The following NCOA2 variants were observed in gnomAD, a reference collection of about 807,000 sequenced individuals.
NCOA2 encodes the protein class E basic helix-loop-helix protein 75.
Under a neutral mutation model 145.1 loss-of-function variants are expected in NCOA2, and 21 were observed. The ratio of observed to expected loss-of-function variants is 0.14; its 90% CI spans 0.10 to 0.21. The LOEUF (loss-of-function observed/expected upper bound fraction) is 0.21. Among genes scored for constraint, NCOA2 ranks in the 10% least tolerant of loss-of-function variants. The probability of loss-of-function intolerance (pLI) is 1.00; values close to 1 mark genes in which losing one functional copy is unlikely to be tolerated. For synonymous variants in NCOA2, 619 were observed against 637.5 expected (o/e 0.97, Z 0.44); for missense variants, 1,472 against 1,837.6 (o/e 0.80, Z 3.64).
At chr8:70,138,769 T>C (rs927052267) in intron 14 of NCOA2, among the ~76,000 whole-genome samples, 1 of 152,276 alleles carries the variant, frequency 6.6e-6, no homozygotes, top group Non-Finnish European at 1.5e-5. Context: ...AAAAATTCTT[T>C]TATTGGCATC....
intron 4 of NCOA2, among the ~76,000 whole-genome samples, chr8:70,204,880 C>T (rs1419025868): frequency 1.3e-5 from 2 of 152,066 alleles, no homozygotes; most frequent in Non-Finnish European, 2.9e-5. Context: ...TAGTGGTGCA[C>T]ACCTATAATC....
In NCOA2 at chr8:70,205,206, G is replaced by GA. The variant is rs1014678864; in HGVS notation, c.259+8696dup. On this transcript the variant is annotated intron_variant, in intron 4 of 22. Transcript: ENST00000452400. ...GTTTGGAGATTAGAAAGTGTTTTGT[G>GA]AAAAAAAAAGCAGTGTTTGAGATAG... Among the ~76,000 whole-genome samples, 638 of 150,648 alleles carry GA rather than the reference G, an allele frequency of 4.2e-3. 4 individuals are homozygous for GA. Among genetic ancestry groups the GA allele is most frequent in the African/African-American group, 0.014 (592 of 41,120 alleles).
At chr8:70,412,214 C>G in the NCOA2 span, among the ~76,000 whole-genome samples, 1 of 151,946 alleles carries the variant, frequency 6.6e-6, no homozygotes, top group African/African-American at 2.4e-5. Flanking sequence ...GTTCAAGCAG[C>G]AGTGAGCTAT....
At chr8:70,121,606 T>C (rs1213679365) in intron 21 of NCOA2, among the ~76,000 whole-genome samples, 4 of 152,348 alleles carry the variant, frequency 2.6e-5, no homozygotes, top group East Asian at 1.9e-4. Context: ...ACTAGCTGCC[T>C]TCAAAATTAA....
At chr8:70,400,857 C>G (rs1326608327) in intron 1 of NCOA2, among the ~76,000 whole-genome samples, 1 of 152,052 alleles carries the variant, frequency 6.6e-6, no homozygotes, top group Non-Finnish European at 1.5e-5. Flanking sequence ...CTTAGCAACC[C>G]AAGATTAATA....
chr8:70,315,235 A>G (rs189969194), intron 1 of NCOA2, among the ~76,000 whole-genome samples: 4 of 152,296 alleles, frequency 2.6e-5, no homozygotes, highest in Admixed American at 1.3e-4. Context: ...CACCTCTAAG[A>G]AAAAGAAAGA....
intron 1 of NCOA2, among the ~76,000 whole-genome samples, chr8:70,360,942 CAA>C (rs1213854420): frequency 2.7e-4 from 15 of 55,310 alleles, no homozygotes; most frequent in Admixed American, 5.7e-4. Context: ...GATTCCAGCT[CAA>C]AAAAAAAAAA....
Position 70,346,070 on chromosome 8 carries a change from T to C in NCOA2, c.-76-49270A>G, listed in dbSNP as rs75685368. On this transcript the variant is annotated intron_variant, in intron 1 of 22. Coordinates refer to ENST00000452400, the MANE Select transcript of NCOA2 (RefSeq NM_006540.4). ...ATAAAATATCCTAATCAAGAAATAATCAACTTGCTTGTGTTCACAAACAGT... is the reference window on the plus strand; with the variant it reads ...ATAAAATATCCTAATCAAGAAATAACCAACTTGCTTGTGTTCACAAACAGT... 5.5e-3 allele frequency among the ~76,000 whole-genome samples: 841 copies of C among 152,326 alleles called. 5 individuals are homozygous for C. Among genetic ancestry groups the C allele is most frequent in the African/African-American group, 0.019 (799 of 41,566 alleles).
intron 1 of NCOA2, among the ~76,000 whole-genome samples, chr8:70,397,797 G>T (rs530559656): frequency 3.3e-5 from 5 of 152,286 alleles, no homozygotes; most frequent in Admixed American, 2.6e-4. Flanking sequence ...CAGTTAAGGG[G>T]ACATTTTACA....
At chr8:70,142,798 A>G (rs1810593246) in intron 13 of NCOA2, among the ~76,000 whole-genome samples, 1 of 152,214 alleles carries the variant, frequency 6.6e-6, no homozygotes, top group Non-Finnish European at 1.5e-5. Context: ...ATATTATGGG[A>G]AAAAGGGATT....
At chr8:70,363,861 C>T (rs1438218556) in intron 1 of NCOA2, among the ~76,000 whole-genome samples, 1 of 152,084 alleles carries the variant, frequency 6.6e-6, no homozygotes, top group African/African-American at 2.4e-5. Context: ...TGTATATAAA[C>T]TGATTTTTTT....
In NCOA2 at chr8:70,170,409, A is replaced by G. The variant is rs759654603; in HGVS notation, c.364-30T>C. 16 of 1,521,680 alleles carry G rather than the reference A, an allele frequency of 1.1e-5. No homozygotes were observed. In the Middle Eastern group the frequency reaches 6.8e-4, roughly 65 times the overall value. 94.3% of individuals were successfully genotyped at this position (1,521,680 alleles called of 1,614,324 possible). On this transcript the variant is annotated intron_variant, in intron 5 of 22. Coordinates refer to ENST00000452400, the MANE Select transcript of NCOA2 (RefSeq NM_006540.4). ...GGAACAAAGTACAAATTGTGTTAGA[A>G]AGGATGCAACATAACATCACATGCA...
chr8:70,371,082 T>A (rs1811171838), intron 1 of NCOA2, among the ~76,000 whole-genome samples: 1 of 151,874 alleles, frequency 6.6e-6, no homozygotes, highest in African/African-American at 2.4e-5. Context: ...GGTCAGGAGA[T>A]CAAGACCATC....
rs145837651 is a variant in NCOA2, at chr8:70,298,583, C to T, written c.-76-1783G>A. On this transcript the variant is annotated intron_variant, in intron 1 of 22. Transcript: ENST00000452400. ...TTCATTATGCTGGCCTACTTAAGCC[C>T]GTTATAATTCTATACCAACAACTAA... Among the ~76,000 whole-genome samples the T allele has an allele frequency of 2.0e-5, 3 of 152,188 alleles. No individual in the cohort carries two copies. The East Asian group carries it at 5.8e-4, about 29-fold the overall frequency.
intron 4 of NCOA2, among the ~76,000 whole-genome samples, chr8:70,175,868 ATTT>A (rs34885918): frequency 1.3e-5 from 2 of 148,892 alleles, no homozygotes; most frequent in Non-Finnish European, 1.5e-5. Flanking sequence ...AACCTTAATA[ATTT>A]TTTTTTTTTT....
intron 9 of NCOA2, among the ~76,000 whole-genome samples, chr8:70,160,682 G>GAGAGAGAGAGAGAGAGAGAGA (rs371258460): frequency 6.0e-4 from 35 of 58,356 alleles, no homozygotes; most frequent in African/African-American, 9.2e-4. Flanking sequence ...AGAGAGAGAG[G>GAGAGAGAGAGAGAGAGAGAGA]GAGAGAGAGA....
intron 10 of NCOA2, 54 bp downstream of exon 10, chr8:70,159,451 T>TAA: frequency 6.9e-7 from 1 of 1,453,664 alleles, no homozygotes. Context: ...GCTGCTTTTG[T>TAA]AATATCTCCT....
At chr8:70,416,622 G>A in the NCOA2 span, among the ~76,000 whole-genome samples, 3 of 152,194 alleles carry the variant, frequency 2.0e-5, no homozygotes, top group African/African-American at 7.2e-5. Context: ...CAGAATACTA[G>A]AGACTGGGTA....
intron 1 of NCOA2, among the ~76,000 whole-genome samples, chr8:70,383,038 A>C (rs1208172003): frequency 6.6e-6 from 1 of 152,234 alleles, no homozygotes; most frequent in Non-Finnish European, 1.5e-5. Context: ...AAAATGGTAG[A>C]AAGTCAATTT....
Sources: gnomAD v4.1 joint callset for allele counts (sites outside exome capture counted in the v4.1 genomes callset) on GRCh38, gnomAD v4.1.1 for gene constraint, MANE v1.5 for transcripts, NCBI Gene and HGNC (gene_info 2026-07-23, HGNC 2026-07-21) for gene names.